COPS4: variants seen among roughly 807,000 people sequenced by gnomAD.
The protein encoded by COPS4 is COP9 signalosome subunit 4.
Under a neutral mutation model 55.1 loss-of-function variants are expected in COPS4, and 8 were observed. The ratio of observed to expected loss-of-function variants is 0.15; its 90% CI spans 0.09 to 0.26. The LOEUF is 0.26. COPS4 is among the 10% of genes least tolerant of loss of function. The pLI is 1.00. For synonymous variants in COPS4, 185 were observed against 165.7 expected, an observed-to-expected ratio of 1.12 and a Z score of -0.90; for missense variants, 248 against 484.0, an observed-to-expected ratio of 0.51 and a Z score of 4.58.
At chr4:83,056,896 G>A in intron 4 of COPS4, 30 bp from the exon 5 acceptor site, 1 of 1,526,962 alleles carries the variant, frequency 6.5e-7, no homozygotes, top group Non-Finnish European at 8.9e-7. Context: ...AAAATGTTGA[G>A]TCATTATGTG....
chr4:83,073,163 CT>C, intron 9 of COPS4: 1 of 568,766 alleles, frequency 1.8e-6, no homozygotes, highest in Non-Finnish European at 3.2e-6. Flanking sequence ...AAAGGAAGCC[CT>C]TGCCCTTTAA....
intron 1 of COPS4, chr4:83,035,589 A>G (rs1031649551): frequency 2.7e-5 from 8 of 291,788 alleles, no homozygotes; most frequent in African/African-American, 1.5e-4. Context: ...CTGAGAGACG[A>G]CTGCTACCCT....
At chr4:83,048,603 G>T (rs114807132) in intron 2 of COPS4, among the ~76,000 whole-genome samples, 1 of 151,964 alleles carries the variant, frequency 6.6e-6, no homozygotes, top group African/African-American at 2.4e-5. Flanking sequence ...TAGAAAAGTT[G>T]TGTTATTTTT....
chr4:83,050,128 T>C (rs971490645), intron 4 of COPS4, 144 bp downstream of exon 4: 1 of 536,914 alleles, frequency 1.9e-6, no homozygotes. Context: ...ATAAGTGCTG[T>C]GGAGAAAAGT....
intron 1 of COPS4, among the ~76,000 whole-genome samples, chr4:83,037,645 G>GT (rs374548630): frequency 9.0e-4 from 135 of 150,578 alleles, no homozygotes; most frequent in African/African-American, 1.4e-3. Flanking sequence ...ATATCAGTGT[G>GT]TTTTTTTTTA....
At chr4:83,052,444 C>G (rs1044863856) in intron 4 of COPS4, among the ~76,000 whole-genome samples, 1 of 152,096 alleles carries the variant, frequency 6.6e-6, no homozygotes, top group Non-Finnish European at 1.5e-5. Flanking sequence ...TGGGGGCTGT[C>G]CTGTGTATTG....
chr4:83,045,649 C>T lies in COPS4; in HGVS notation c.98C>T (p.Ala33Val). Residue 33 changes from alanine (A) to valine (V), a missense_variant, in exon 2 of 10, where the codon GCC becomes GTC. Ala to Val is a moderately conservative substitution (Grantham distance 64). Coordinates refer to ENST00000264389, the MANE Select transcript of COPS4 (RefSeq NM_016129.3). ...AGKYRQILEK[A>V]IQLSGAEQLE... is the part of the protein sequence containing the mutation. ...AGGTATCGTCAGATCCTGGAAAAAG[C>T]CATTCAGTTATCTGGAGCAGAACAA... 6.2e-7 allele frequency: 1 copy of T among 1,612,848 alleles called. No individual in the cohort carries two copies. Among genetic ancestry groups the T allele is most frequent in the African/African-American group, 1.3e-5 (1 of 74,968 alleles).
Position 83,044,075 on chromosome 4 carries a change from G to A in COPS4, c.75-1551G>A, listed in dbSNP as rs556894834. ...GGTTCTATTTTTGTATATTTATTTC[G>A]TAACTCTATTCTGGATGACTTTCCG... is the stretch of plus-strand genomic sequence containing the variant. On this transcript the variant is annotated intron_variant, in intron 1 of 9. Coordinates refer to ENST00000264389, the MANE Select transcript of COPS4 (RefSeq NM_016129.3). 1.2e-4 allele frequency among the ~76,000 whole-genome samples: 18 copies of A among 152,282 alleles called. 2 individuals are homozygous for A. The South Asian group carries it at 1.7e-3, about 14-fold the overall frequency.
intron 1 of COPS4, among the ~76,000 whole-genome samples, chr4:83,038,593 C>G (rs965905038): frequency 2.6e-5 from 4 of 151,604 alleles, no homozygotes; most frequent in Non-Finnish European, 2.9e-5. Context: ...AATGATTTCT[C>G]TCTCCTAAAA....
chr4:83,049,228 C>A lies in COPS4; in HGVS notation c.217C>A (p.Leu73Ile), dbSNP rs1360660672. The change falls in exon 3 of 10, where the codon CTT becomes ATT. Residue 73 changes from leucine (L) to isoleucine (I), a missense_variant. Physicochemically the swap from Leu to Ile is conservative, Grantham distance 5. Transcript: ENST00000264389. ...GTTGCTGACTGATTTTTGCACACAT[C>A]TTCCTAACTTGCCTGATAGCACAGC... is the stretch of plus-strand genomic sequence containing the variant. ...RQLLTDFCTH[L>I]PNLPDSTAKE... The A allele has an allele frequency of 8.7e-6, 14 of 1,611,196 alleles. No individual in the cohort carries two copies. Among genetic ancestry groups the A allele is most frequent in the Non-Finnish European group, 1.1e-5 (13 of 1,179,134 alleles).
At chr4:83,070,718 T>G (rs1444219043) in intron 9 of COPS4, among the ~76,000 whole-genome samples, 2 of 152,334 alleles carry the variant, frequency 1.3e-5, no homozygotes, top group East Asian at 3.8e-4. Context: ...CTACAATTGC[T>G]CCTTTCTAGT....
At chr4:83,056,824 G>A in intron 4 of COPS4, 102 bp from the exon 5 acceptor site, 1 of 1,012,060 alleles carries the variant, frequency 9.9e-7, no homozygotes, top group Non-Finnish European at 1.5e-6. Flanking sequence ...TTCCCTTACG[G>A]TACCAGAATA....
At chr4:83,040,680 A>G (rs1730541236) in intron 1 of COPS4, among the ~76,000 whole-genome samples, 1 of 142,502 alleles carries the variant, frequency 7.0e-6, no homozygotes, top group East Asian at 2.1e-4. Context: ...GGTTTATCTT[A>G]TTTTCCTCAT....
intron 4 of COPS4, among the ~76,000 whole-genome samples, chr4:83,053,399 A>G (rs867057938): frequency 2.6e-5 from 4 of 152,134 alleles, no homozygotes; most frequent in Non-Finnish European, 4.4e-5. Context: ...ATGAGTGACC[A>G]TAGGAGTTAG....
intron 3 of COPS4, 175 bp downstream of exon 3, chr4:83,049,492 A>C (rs1730803970): frequency 3.7e-6 from 2 of 542,596 alleles, no homozygotes. Context: ...TACAACTCCA[A>C]CTGACATTTG....
intron 9 of COPS4, 106 bp from the exon 10 acceptor site, chr4:83,075,191 A>G: frequency 1.1e-6 from 1 of 927,568 alleles, no homozygotes; most frequent in Non-Finnish European, 1.6e-6. Context: ...TAAAAGGAAC[A>G]TGCCTCTTCC....
At chr4:83,069,730 C>G (rs866965387) in intron 9 of COPS4, among the ~76,000 whole-genome samples, 2 of 152,126 alleles carry the variant, frequency 1.3e-5, no homozygotes, top group South Asian at 2.1e-4. Context: ...GAAATTTTAA[C>G]TTCTTTATCA....
chr4:83,056,351 A>G (rs548039459), intron 4 of COPS4, among the ~76,000 whole-genome samples: 1 of 152,336 alleles, frequency 6.6e-6, no homozygotes, highest in Admixed American at 6.5e-5. Context: ...TTGTCCCACT[A>G]GTCATATATG....
chr4:83,071,717 C>CTT (rs561071392), intron 9 of COPS4, among the ~76,000 whole-genome samples: 1 of 144,520 alleles, frequency 6.9e-6, no homozygotes, highest in African/African-American at 2.5e-5. Context: ...TTGTGCCTGG[C>CTT]TTTTTTTTTT....
Sources: gnomAD v4.1 joint callset for allele counts (sites outside exome capture counted in the v4.1 genomes callset) on GRCh38, gnomAD v4.1.1 for gene constraint, MANE v1.5 for transcripts, NCBI Gene and HGNC (gene_info 2026-07-23, HGNC 2026-07-21) for gene names.